The following ZBTB17 variants were observed in gnomAD, a reference collection of about 807,000 sequenced individuals.
The protein encoded by ZBTB17 is zinc finger and BTB domain-containing protein 17.
A neutral mutation model predicts 85.1 loss-of-function variants in ZBTB17; 24 were observed. The observed-to-expected ratio is 0.28, with a 90% CI of 0.20 to 0.40. ZBTB17 has a LOEUF of 0.40. Among genes scored for constraint, ZBTB17 ranks in the 10% least tolerant of loss-of-function variants. ZBTB17 has a pLI of 1.00. For missense variants in ZBTB17, 743 were observed against 1,105.1 expected, an observed-to-expected ratio of 0.67 and a Z score of 4.65; for synonymous variants, 464 against 460.2, an observed-to-expected ratio of 1.01 and a Z score of -0.11.
At chr1:15,958,978 G>C (rs549884694) in intron 2 of ZBTB17, among the ~76,000 whole-genome samples, 2 of 152,302 alleles carry the variant, frequency 1.3e-5, no homozygotes, top group East Asian at 3.9e-4. Context: ...ACTTGAAAGG[G>C]GGAGATGAAG....
At chr1:15,969,706 G>C in intron 2 of ZBTB17, 1 of 478,410 alleles carries the variant, frequency 2.1e-6, no homozygotes, top group South Asian at 1.5e-5. Context: ...CACCAACCCA[G>C]ACTGGCTCAA....
chr1:15,967,047 G>A (rs756250144), intron 2 of ZBTB17, among the ~76,000 whole-genome samples: 11 of 151,800 alleles, frequency 7.2e-5, no homozygotes, highest in African/African-American at 9.7e-5. Context: ...TTAAAGTTGA[G>A]GTCCCTCCCT....
At chr1:15,955,650 C>T (rs939217088) in intron 2 of ZBTB17, among the ~76,000 whole-genome samples, 9 of 152,128 alleles carry the variant, frequency 5.9e-5, no homozygotes, top group African/African-American at 2.2e-4. Context: ...ATACAACTAC[C>T]GCTATCTTTC....
intron 1 of ZBTB17, among the ~76,000 whole-genome samples, chr1:15,974,152 C>G (rs1354999520): frequency 6.7e-6 from 1 of 149,196 alleles, no homozygotes; most frequent in East Asian, 2.0e-4. Context: ...TATGCTGCCA[C>G]TGCACTCCAG....
At chr1:15,945,577 G>T in intron 6 of ZBTB17, 138 bp downstream of exon 6, 1 of 1,270,696 alleles carries the variant, frequency 7.9e-7, no homozygotes, top group Non-Finnish European at 1.1e-6. Flanking sequence ...AGACCAAGGT[G>T]TCCCAAAGCT....
chr1:15,947,944 T>C (rs2071680922), intron 3 of ZBTB17, among the ~76,000 whole-genome samples: 1 of 152,156 alleles, frequency 6.6e-6, no homozygotes, highest in Admixed American at 6.5e-5. Context: ...TAGTTAGCAC[T>C]GGGGTAGATG....
rs1411725524 is a variant in ZBTB17, at chr1:15,945,088, T to C, written c.776A>G (p.Asn259Ser). Residue 259 changes from asparagine to serine, a missense_variant, in exon 7 of 16, where the codon AAC becomes AGC. Asn to Ser is a conservative substitution (Grantham distance 46). Coordinates refer to ENST00000375743, the MANE Select transcript of ZBTB17 (RefSeq NM_003443.3). The part of the protein sequence containing the change: ...EVKEEGSQLE[N>S]GEAPEENENE... ...CTCGTTCTCCTCGGGGGCCTCTCCGTTCTCCAGCTGGGAACCCTCCTCCTT... is the reference window on the plus strand; with the variant it reads ...CTCGTTCTCCTCGGGGGCCTCTCCGCTCTCCAGCTGGGAACCCTCCTCCTT... The C allele has an allele frequency of 6.2e-7, 1 of 1,611,546 alleles. No individual in the cohort carries two copies. Among genetic ancestry groups the C allele is most frequent in the African/African-American group, 1.3e-5 (1 of 75,022 alleles).
intron 2 of ZBTB17, among the ~76,000 whole-genome samples, chr1:15,959,724 G>A (rs2072188824): frequency 1.3e-5 from 2 of 151,972 alleles, no homozygotes; most frequent in Non-Finnish European, 2.9e-5. Flanking sequence ...AGCAAGCTAT[G>A]ATCACACCAC....
chr1:15,975,610 C>T lies in ZBTB17; in HGVS notation c.-90+373G>A, dbSNP rs368002615. Among the ~76,000 whole-genome samples the T allele has an allele frequency of 9.9e-5, 15 of 152,154 alleles. No individual in the cohort carries two copies. The East Asian group carries it at 2.3e-3, about 24-fold the overall frequency. On this transcript the variant is annotated intron_variant, in intron 1 of 15. Coordinates refer to ENST00000375743, the MANE Select transcript of ZBTB17 (RefSeq NM_003443.3). ...GGCCGGCCGACAGGAGCTGCCCCGGCACTGCGCTCCCTCGCGGCCGCAGAA... is the reference window on the plus strand; with the variant it reads ...GGCCGGCCGACAGGAGCTGCCCCGGTACTGCGCTCCCTCGCGGCCGCAGAA...
At position 15,942,611 on chromosome 1, in the gene ZBTB17, A is replaced by G; in HGVS notation, c.1956T>C (p.Ser652=). The change falls in exon 14 of 16, where the codon AGT becomes AGC. Residue 652 remains serine, a synonymous_variant. Transcript: ENST00000375743. ...CATCCACAGTGACCACGCTGACCTC[A>G]CTGCCCTCCTCGGGCTCCAGGATCT... is the stretch of plus-strand genomic sequence containing the variant. The part of the protein sequence containing the change: ...GIKILEPEEG[S]EVSVVTVDDM... The G allele has an allele frequency of 6.2e-7, 1 of 1,613,344 alleles. No homozygotes were observed. The highest frequency in any genetic ancestry group is 1.3e-5 in the African/African-American group (1 of 75,060).
chr1:15,970,486 G>GCTTCAA (rs2072609032), intron 2 of ZBTB17, among the ~76,000 whole-genome samples: 2 of 138,834 alleles, frequency 1.4e-5, no homozygotes, highest in African/African-American at 5.1e-5. Flanking sequence ...CCGCCTCCCG[G>GCTTCAA]GTTCTCCTGC....
chr1:15,958,435 C>T (rs76134719), intron 2 of ZBTB17, among the ~76,000 whole-genome samples: 1 of 120,334 alleles, frequency 8.3e-6, no homozygotes, highest in African/African-American at 2.8e-5. Context: ...AAAAAAAAAA[C>T]ACACAGGTGT....
chr1:15,945,584 A>G, intron 6 of ZBTB17, 131 bp downstream of exon 6: 1 of 1,341,252 alleles, frequency 7.5e-7, no homozygotes, highest in Non-Finnish European at 1.0e-6. Context: ...GGTGTCCCAA[A>G]GCTGAAGTGC....
chr1:15,945,948 G>A, intron 5 of ZBTB17, 108 bp from the exon 6 acceptor site: 1 of 1,561,296 alleles, frequency 6.4e-7, no homozygotes, highest in Non-Finnish European at 8.7e-7. Context: ...CAGGAGGGGA[G>A]GCCCCAGCAC....
chr1:15,942,747 G>C lies in ZBTB17; in HGVS notation c.1829-9C>G, dbSNP rs749521544. ...CAGGTAAGGCTTCTCTCCTGGGGGA[G>C]CAAGGTTCTCTCTTGCCTTTGTGGG... On this transcript the variant is annotated splice_polypyrimidine_tract_variant and intron_variant, in intron 13 of 15. Transcript: ENST00000375743. 1.2e-6 allele frequency: 2 copies of C among 1,612,736 alleles called. No homozygotes were observed. The highest frequency in any genetic ancestry group is 1.7e-6 in the Non-Finnish European group (2 of 1,179,860).
chr1:15,948,560 T>C (rs914990804), intron 2 of ZBTB17, 63 bp from the exon 3 acceptor site: 8 of 1,533,254 alleles, frequency 5.2e-6, no homozygotes, highest in Middle Eastern at 3.6e-4. Context: ...CGCTCAACAG[T>C]CACTCCTAAA....
chr1:15,947,206 G>T lies in ZBTB17; in HGVS notation c.206-83C>A. 1.4e-6 allele frequency: 2 copies of T among 1,409,370 alleles called. 1 individual carries two copies. Among genetic ancestry groups the T allele is most frequent in the South Asian group, 2.7e-5 (2 of 73,546 alleles). 87.3% of individuals were successfully genotyped at this position (1,409,370 alleles called of 1,614,324 possible). A position where few individuals can be genotyped will look rare whatever the true frequency, so the allele number is the denominator to read the frequency against. On this transcript the variant is annotated intron_variant, in intron 3 of 15. Coordinates refer to ENST00000375743, the MANE Select transcript of ZBTB17 (RefSeq NM_003443.3). ...GCCCCACCACTCCACTCAGCAGCAG[G>T]ACGCAGGGATTTAGGAACAGCTGAG... is the stretch of plus-strand genomic sequence containing the variant.
intron 2 of ZBTB17, among the ~76,000 whole-genome samples, chr1:15,965,312 T>C (rs775412021): frequency 4.1e-4 from 63 of 151,950 alleles, no homozygotes; most frequent in Non-Finnish European, 7.5e-4. Flanking sequence ...CAAGACAATC[T>C]GTTGTTTCCG....
Position 15,955,022 on chromosome 1 carries a change from T to TG in ZBTB17, c.-2-6526dup, listed in dbSNP as rs2071995264. Reference sequence around the variant, plus strand: ...TACAAAAATTAGCTGGGTGTGGTGGTGCGCACCTGTAGTCCCGGCTACTCG... The same window carrying TG: ...TACAAAAATTAGCTGGGTGTGGTGGTGGCGCACCTGTAGTCCCGGCTACTCG... On this transcript the variant is annotated intron_variant, in intron 2 of 15. Transcript: ENST00000375743. Among the ~76,000 whole-genome samples, 66 of 151,998 alleles carry TG rather than the reference T, an allele frequency of 4.3e-4. 1 individual carries two copies. The highest frequency in any genetic ancestry group is 3.7e-3 in the Admixed American group (56 of 15,268).
Sources: allele counts gnomAD v4.1 joint callset (sites outside exome capture counted in the v4.1 genomes callset), GRCh38; gene constraint gnomAD v4.1.1; transcripts MANE v1.5; gene names NCBI Gene and HGNC (gene_info 2026-07-23, HGNC 2026-07-21).